Variants in GABRG2 observed in about 807,000 individuals in gnomAD.
GABRG2 encodes the protein gamma-aminobutyric acid type A receptor subunit gamma2.
A neutral mutation model predicts 56.4 loss-of-function variants in GABRG2; 16 were observed. That is an observed-to-expected ratio of 0.28 (90% CI 0.19 to 0.43). The LOEUF (loss-of-function observed/expected upper bound fraction) is 0.43. Ranked by LOEUF, GABRG2 falls within the 20% of genes least tolerant of loss-of-function variation. The pLI, the probability that GABRG2 is intolerant of heterozygous loss-of-function variation, is 1.00. For synonymous variants in GABRG2, 208 were observed against 205.5 expected, an observed-to-expected ratio of 1.01 and a Z score of -0.10; for missense variants, 327 against 582.7, an observed-to-expected ratio of 0.56 and a Z score of 4.52.
In GABRG2 at chr5:162,154,536, G is replaced by A. The variant is rs1356204831; in HGVS notation, c.*1168G>A. 1 of 152,056 alleles carries A rather than the reference G, an allele frequency of 6.6e-6. No homozygotes were observed. The highest frequency in any genetic ancestry group is 1.5e-5 in the Non-Finnish European group (1 of 68,012). 9.4% of individuals were successfully genotyped at this position (152,056 alleles called of 1,614,324 possible). A position where few individuals can be genotyped will look rare whatever the true frequency, so the allele number is the denominator to read the frequency against. ...TTTGATTTTGTAAAAATAACCAGTA[G>A]GATCCAAAGAACTTTAGCTATTTAT... On this transcript the variant is annotated 3_prime_UTR_variant, in exon 10 of 10. Transcript: ENST00000639213.
At chr5:162,078,222 T>C (rs1310395449) in intron 1 of GABRG2, among the ~76,000 whole-genome samples, 1 of 151,434 alleles carries the variant, frequency 6.6e-6, no homozygotes, top group African/African-American at 2.4e-5. Context: ...ATGGCTGGGT[T>C]CTGGTGAGGG....
At chr5:162,129,644 C>A (rs1482110104) in intron 6 of GABRG2, among the ~76,000 whole-genome samples, 2 of 151,626 alleles carry the variant, frequency 1.3e-5, no homozygotes, top group Non-Finnish European at 2.9e-5. Context: ...ACAGACCGGA[C>A]AAGTAAAGTA....
intron 6 of GABRG2, among the ~76,000 whole-genome samples, chr5:162,132,320 C>T (rs1387752241): frequency 1.3e-5 from 2 of 151,862 alleles, no homozygotes; most frequent in Non-Finnish European, 2.9e-5. Context: ...AAAGTTGTTC[C>T]CCGTGGATAA....
At chr5:162,081,739 G>A (rs957259995) in intron 1 of GABRG2, among the ~76,000 whole-genome samples, 4 of 152,002 alleles carry the variant, frequency 2.6e-5, no homozygotes, top group African/African-American at 9.6e-5. Flanking sequence ...CTATTAGAAT[G>A]GGCAAAATAA....
chr5:162,127,149 C>A (rs905012129), intron 6 of GABRG2, among the ~76,000 whole-genome samples: 1 of 151,806 alleles, frequency 6.6e-6, no homozygotes, highest in Non-Finnish European at 1.5e-5. Context: ...AGCAGGATTG[C>A]CGGAAGCTCA....
Sources: gnomAD v4.1 joint callset for allele counts (sites outside exome capture counted in the v4.1 genomes callset) on GRCh38, gnomAD v4.1.1 for gene constraint, MANE v1.5 for transcripts, NCBI Gene and HGNC (gene_info 2026-07-23, HGNC 2026-07-21) for gene names.